The following MPRIP variants were observed in gnomAD, a reference collection of about 807,000 sequenced individuals.
MPRIP encodes the protein myosin phosphatase Rho interacting protein.
A neutral mutation model predicts 234.9 loss-of-function variants in MPRIP; 59 were observed. That is an observed-to-expected ratio of 0.25 (90% confidence interval 0.20 to 0.31). MPRIP has a LOEUF of 0.31. Ranked by LOEUF, MPRIP falls within the 10% of genes least tolerant of loss-of-function variation. The probability of loss-of-function intolerance (pLI) is 1.00; values close to 1 mark genes in which losing one functional copy is unlikely to be tolerated. For missense variants in MPRIP, 2,436 were observed against 3,071.0 expected (o/e 0.79, Z 4.89); for synonymous variants, 1,144 against 1,263.9 (o/e 0.91, Z 2.01).
At chr17:17,097,681 A>G (rs748485004) in intron 3 of MPRIP, among the ~76,000 whole-genome samples, 13 of 152,142 alleles carry the variant, frequency 8.5e-5, no homozygotes, top group Non-Finnish European at 1.8e-4. Flanking sequence ...CCTGGAAGTA[A>G]TGTTGCCAGT....
At chr17:17,132,226 T>C (rs2090611557) in intron 5 of MPRIP, among the ~76,000 whole-genome samples, 1 of 152,016 alleles carries the variant, frequency 6.6e-6, no homozygotes, top group Non-Finnish European at 1.5e-5. Flanking sequence ...TGATCCTCCT[T>C]CCCTCCCTGG....
chr17:17,101,585 T>C (rs909845259), intron 3 of MPRIP, among the ~76,000 whole-genome samples: 2 of 148,600 alleles, frequency 1.3e-5, no homozygotes, highest in Non-Finnish European at 3.0e-5. Context: ...AAAATTTTTT[T>C]TAAACAACAA....
At position 17,078,146 on chromosome 17, in the gene MPRIP, T is replaced by C; in HGVS notation, c.267+70T>C. 1 of 1,503,106 alleles carries C rather than the reference T, an allele frequency of 6.7e-7. No individual in the cohort carries two copies. The highest frequency in any genetic ancestry group is 9.2e-7 in the Non-Finnish European group (1 of 1,081,218). 93.1% of individuals were successfully genotyped at this position (1,503,106 alleles called of 1,614,324 possible). On this transcript the variant is annotated intron_variant, in intron 3 of 23. Coordinates refer to ENST00000651222, the MANE Select transcript of MPRIP (RefSeq NM_001364716.4). This position sits in a 1 kb window ranked among gnomAD's most constrained non-coding sequence, Gnocchi z 4.3. ...GTCCCTCCATTACAGTGCCCTTGCG[T>C]TGTCATGTGAGAGCACAGCAGCCAT...
At chr17:17,126,959 T>C in intron 4 of MPRIP, 106 bp downstream of exon 4, 2 of 1,360,072 alleles carry the variant, frequency 1.5e-6, no homozygotes, top group Non-Finnish European at 2.0e-6. Context: ...TACTTCCCCG[T>C]GTGCCTCTAT....
Position 17,184,854 on chromosome 17 carries a change from G to A in MPRIP, c.7238G>A (p.Arg2413Gln), listed in dbSNP as rs768945569. The change falls in exon 24 of 24, where the codon CGG becomes CAG. Residue 2413 changes from arginine (R) to glutamine (Q), a missense_variant. Arg to Gln is a conservative substitution (Grantham distance 43). This residue lies in a region of MPRIP where 1,998 missense variants were observed against 2,520.3 expected (regional missense o/e 0.79). Coordinates refer to ENST00000651222, the MANE Select transcript of MPRIP (RefSeq NM_001364716.4). ...AAGGAAGGCCTGACGGTGCAAGAAC[G>A]GTTGAAGCTCTTTGAATCCAGGGAC... ...SLKEGLTVQERLKLFESRDLK... is the reference protein window; with the variant it reads ...SLKEGLTVQEQLKLFESRDLK... 35 of 1,612,984 alleles carry A rather than the reference G, an allele frequency of 2.2e-5. No individual in the cohort carries two copies. Among genetic ancestry groups the A allele is most frequent in the Middle Eastern group, 1.7e-4 (1 of 5,938 alleles).
At chr17:17,168,119 G>A (rs1196630445) in intron 16 of MPRIP, 4 of 376,656 alleles carry the variant, frequency 1.1e-5, no homozygotes, top group Non-Finnish European at 1.5e-5. Context: ...TCCACCAGGA[G>A]GAGAACTAGC....
intron 3 of MPRIP, among the ~76,000 whole-genome samples, chr17:17,126,215 C>A (rs886194738): frequency 1.3e-5 from 2 of 152,220 alleles, no homozygotes; most frequent in African/African-American, 2.4e-5. Flanking sequence ...GCCAGGCTGC[C>A]GGGCGTGCTC....
intron 6 of MPRIP, among the ~76,000 whole-genome samples, chr17:17,137,139 G>C (rs2090717648): frequency 6.6e-6 from 1 of 152,136 alleles, no homozygotes; most frequent in South Asian, 2.1e-4. Flanking sequence ...CTTCCTCTCA[G>C]GCCTATCCAT....
chr17:17,124,092 C>T (rs934929453), intron 3 of MPRIP, among the ~76,000 whole-genome samples: 7 of 152,212 alleles, frequency 4.6e-5, no homozygotes, highest in African/African-American at 7.2e-5. Context: ...TCACTTTGCA[C>T]ATGAGGAAAC....
At chr17:17,083,220 A>G (rs1257557201) in intron 3 of MPRIP, among the ~76,000 whole-genome samples, 1 of 152,208 alleles carries the variant, frequency 6.6e-6, no homozygotes, top group East Asian at 1.9e-4. Flanking sequence ...GCTCTTGGAT[A>G]TGTGCCTTTT....
chr17:17,063,702 C>T (rs1057088653), intron 1 of MPRIP, among the ~76,000 whole-genome samples: 10 of 152,182 alleles, frequency 6.6e-5, no homozygotes, highest in Middle Eastern at 3.2e-3. Flanking sequence ...GGTTAACCAC[C>T]GTTAGAGATC....
chr17:17,115,237 T>C (rs1374729237), intron 3 of MPRIP, among the ~76,000 whole-genome samples: 4 of 152,264 alleles, frequency 2.6e-5, no homozygotes, highest in South Asian at 2.1e-4. Flanking sequence ...GCGTCTGTGG[T>C]GACACCCACT....
rs945452224 is a variant in MPRIP at position 17,190,268 on chromosome 17, T to C, written c.*5374T>C. ...AGGTGAAGGCCACCACTGTTCTCAA[T>C]GCCAAGCAACAGAACGTTCTGAGAT... On this transcript the variant is annotated 3_prime_UTR_variant, in exon 24 of 24. Transcript: ENST00000651222. 2.0e-5 allele frequency: 3 copies of C among 152,344 alleles called. No homozygotes were observed. In the East Asian group the frequency reaches 5.8e-4, roughly 29 times the overall value. 9.4% of individuals were successfully genotyped at this position (152,344 alleles called of 1,614,324 possible).
At chr17:17,179,896 G>A in intron 22 of MPRIP, 107 bp from the exon 23 acceptor site, 1 of 868,902 alleles carries the variant, frequency 1.2e-6, no homozygotes. Flanking sequence ...ATTGTCCTAA[G>A]TATGCTGCAG....
chr17:17,084,093 G>A (rs2089529561), intron 3 of MPRIP, among the ~76,000 whole-genome samples: 1 of 152,158 alleles, frequency 6.6e-6, no homozygotes, highest in South Asian at 2.1e-4. Context: ...CCAGGCAGGC[G>A]AGAGGAACCA....
chr17:17,068,215 A>G (rs1193419974), intron 1 of MPRIP, among the ~76,000 whole-genome samples: 1 of 151,656 alleles, frequency 6.6e-6, no homozygotes, highest in African/African-American at 2.4e-5. Flanking sequence ...CAGTGGAGCG[A>G]TCTCGGCTCA....
Position 17,158,758 on chromosome 17 carries a change from C to G in MPRIP, c.2156C>G (p.Ala719Gly). 1 of 1,611,636 alleles carries G rather than the reference C, an allele frequency of 6.2e-7. No individual in the cohort carries two copies. The highest frequency in any genetic ancestry group is 8.5e-7 in the Non-Finnish European group (1 of 1,179,874). ...CGCAAGCGCTTCGGGATGCTCGACG[C>G]CACAGACGGGCCAGGCACTGAGGAT... ...ERRKRFGMLD[A>G]TDGPGTEDAA... The change falls in exon 14 of 24, where the codon GCC becomes GGC. Residue 719 changes from alanine (A) to glycine (G), a missense_variant. Physicochemically the swap from Ala to Gly is moderately conservative, Grantham distance 60 (BLOSUM62 0). Coordinates refer to ENST00000651222, the MANE Select transcript of MPRIP (RefSeq NM_001364716.4).
intron 3 of MPRIP, among the ~76,000 whole-genome samples, chr17:17,093,720 T>G (rs1304990104): frequency 1.3e-5 from 2 of 152,252 alleles, no homozygotes; most frequent in African/African-American, 2.4e-5. Context: ...GCTCCATTTC[T>G]TCTTACTCCT....
At chr17:17,157,320 C>T (rs772653630) in intron 13 of MPRIP, among the ~76,000 whole-genome samples, 20 of 152,206 alleles carry the variant, frequency 1.3e-4, no homozygotes, top group Non-Finnish European at 2.2e-4. Context: ...ACCATGAGCA[C>T]GACCTGCGCA....
Sources: allele counts gnomAD v4.1 joint callset (sites outside exome capture counted in the v4.1 genomes callset), GRCh38; gene constraint gnomAD v4.1.1; regional missense constraint gnomAD v4.1.1; non-coding constraint Gnocchi (gnomAD v3.1); transcripts MANE v1.5; gene names NCBI Gene and HGNC (gene_info 2026-07-23, HGNC 2026-07-21).